Variants in CATSPERD observed in about 807,000 individuals in gnomAD.
The protein encoded by CATSPERD is cation channel sperm-associated auxiliary subunit delta.
Under a neutral mutation model 98.1 loss-of-function variants are expected in CATSPERD, and 86 were observed. The observed-to-expected ratio is 0.88, with a 90% CI of 0.74 to 1.05. The LOEUF is 1.05. CATSPERD is among the 50% of genes least tolerant of loss of function. CATSPERD has a pLI of 0.00. For synonymous variants in CATSPERD, 394 were observed against 390.2 expected (o/e 1.01, Z -0.12); for missense variants, 995 against 1,005.7 (o/e 0.99, Z 0.14).
intron 12 of CATSPERD, among the ~76,000 whole-genome samples, chr19:5,753,335 T>A (rs12980084): frequency 1.3e-5 from 2 of 150,786 alleles, no homozygotes; most frequent in African/African-American, 4.9e-5. Context: ...CTAAGGTGGG[T>A]GGATCACAAG....
intron 3 of CATSPERD, among the ~76,000 whole-genome samples, chr19:5,728,722 A>G (rs1433851676): frequency 1.3e-5 from 2 of 149,288 alleles, no homozygotes; most frequent in Non-Finnish European, 3.0e-5. Context: ...TTTTTGAGAC[A>G]GAGTCTTGTT....
intron 14 of CATSPERD, 67 bp downstream of exon 14, chr19:5,757,999 A>C: frequency 7.4e-7 from 1 of 1,348,542 alleles, no homozygotes; most frequent in Non-Finnish European, 1.0e-6. Flanking sequence ...TCCTTCCCTT[A>C]TCAGCATAAA....
At chr19:5,770,800 C>T in intron 18 of CATSPERD, 144 bp from the exon 19 acceptor site, 2 of 932,750 alleles carry the variant, frequency 2.1e-6, no homozygotes, top group Non-Finnish European at 1.6e-6. Flanking sequence ...TGGTCCATGG[C>T]TCTCAATCGC....
intron 4 of CATSPERD, among the ~76,000 whole-genome samples, chr19:5,733,443 T>TTCTTTCTC (rs1312441505): frequency 6.7e-6 from 1 of 150,320 alleles, no homozygotes; most frequent in Admixed American, 6.7e-5. Flanking sequence ...CTTTCTTTCT[T>TTCTTTCTC]TCTTTCTCTC....
At chr19:5,751,458 C>T (rs1435299263) in intron 11 of CATSPERD, among the ~76,000 whole-genome samples, 189 bp from the exon 12 acceptor site, 14 of 134,792 alleles carry the variant, frequency 1.0e-4, no homozygotes, top group Admixed American at 8.1e-4. Context: ...GGCGTGAACC[C>T]GGGAGGCGGA....
chr19:5,772,843 GT>G lies in CATSPERD; in HGVS notation c.1820del (p.Val607GlyfsTer11). The G allele has an allele frequency of 6.2e-7, 1 of 1,614,072 alleles. No individual in the cohort carries two copies. ...CGACGCCGAGTATGTGTTACTGGAG[GT>G]GAACGGGCAGTTCTCATACTCCTAT... The part of the protein sequence containing the change: ...VIDAEYVLLE[V>X]NGQFSYSYSL... On this transcript the variant is annotated frameshift_variant, in exon 20 of 22. Transcript: ENST00000381624. LOFTEE classifies it high-confidence loss of function.
In CATSPERD at chr19:5,757,823, C is replaced by T; in HGVS notation, c.1279-20C>T. 6.2e-7 allele frequency: 1 copy of T among 1,603,404 alleles called. No individual in the cohort carries two copies. Among genetic ancestry groups the T allele is most frequent in the South Asian group, 1.1e-5 (1 of 90,574 alleles). On this transcript the variant is annotated intron_variant, in intron 13 of 21. Coordinates refer to ENST00000381624, the MANE Select transcript of CATSPERD (RefSeq NM_152784.4). ...GCCTGCTGGCTCCGTACAGCCTGAG[C>T]TTCTCTCCCCCACTCCCAGGTGATG...
intron 5 of CATSPERD, among the ~76,000 whole-genome samples, chr19:5,734,701 C>T (rs1467636947): frequency 6.6e-6 from 1 of 151,848 alleles, no homozygotes; most frequent in African/African-American, 2.4e-5. Context: ...ACTCTGGAGC[C>T]CGAGGCAGGA....
Position 5,720,681 on chromosome 19 carries a change from G to A in CATSPERD, c.-57G>A. 6.5e-7 allele frequency: 1 copy of A among 1,542,778 alleles called. No individual in the cohort carries two copies. Among genetic ancestry groups the A allele is most frequent in the Non-Finnish European group, 8.8e-7 (1 of 1,130,680 alleles). ...GCTTCAGCCTGCACGTACTCGGATT[G>A]TGCAGCGACTCCCCGTGGCGGTTGA... is the stretch of plus-strand genomic sequence containing the variant. On this transcript the variant is annotated 5_prime_UTR_variant, in exon 1 of 22. The change creates a new upstream start codon in the 5' untranslated region. Transcript: ENST00000381624.
At chr19:5,772,214 A>ATTTT (rs35847357) in intron 19 of CATSPERD, 3,188 of 154,388 alleles carry the variant, frequency 0.021, 229 homozygotes, top group Non-Finnish European at 0.024. Flanking sequence ...TGCCCGGTTA[A>ATTTT]TTTTTTTTTT....
intron 1 of CATSPERD, among the ~76,000 whole-genome samples, chr19:5,722,804 C>T (rs1009847923): frequency 5.3e-5 from 8 of 151,822 alleles, no homozygotes; most frequent in African/African-American, 1.5e-4. Context: ...CTATACCATC[C>T]TTCCAGTCAC....
Position 5,749,106 on chromosome 19 carries a change from A to G in CATSPERD, c.910A>G (p.Asn304Asp), listed in dbSNP as rs1439453745. 3.1e-6 allele frequency: 5 copies of G among 1,611,802 alleles called. No homozygotes were observed. The African/African-American group carries it at 6.7e-5, about 22-fold the overall frequency. Reference sequence around the variant, plus strand: ...TCTTGTTTTGTTTTTCCCAGCTGAAAATGAACTGGCAGTTATAACTCGGGA... The same window carrying G: ...TCTTGTTTTGTTTTTCCCAGCTGAAGATGAACTGGCAGTTATAACTCGGGA... ...ITIHNIAVTE[N>D]ELAVITREDN... Residue 304 changes from asparagine (N) to aspartate (D), a missense_variant, in exon 11 of 22, where the codon AAT becomes GAT. Coordinates refer to ENST00000381624, the MANE Select transcript of CATSPERD (RefSeq NM_152784.4).
intron 15 of CATSPERD, among the ~76,000 whole-genome samples, chr19:5,762,050 A>ATTTT (rs2056446349): frequency 1.0e-4 from 2 of 20,044 alleles, no homozygotes; most frequent in African/African-American, 1.4e-4. Context: ...CCATATATAT[A>ATTTT]TATATATATT....
chr19:5,759,100 A>T lies in CATSPERD; in HGVS notation c.1383A>T (p.Lys461Asn), dbSNP rs751288922. The T allele has an allele frequency of 8.6e-5, 139 of 1,613,674 alleles. No individual in the cohort carries two copies. The Admixed American group carries it at 2.3e-3, about 27-fold the overall frequency. Residue 461 changes from lysine (K) to asparagine (N), a missense_variant, in exon 15 of 22, where the codon AAA becomes AAT. Lys to Asn is a moderately conservative substitution (Grantham distance 94, BLOSUM62 0). This residue lies in a region of CATSPERD where 762 missense variants were observed against 773.7 expected (regional missense o/e 0.98). Transcript: ENST00000381624. ...NTKYKLDIFL[K>N]QQQHWGRTDS... ...TGACCCCACAGGATATTTTCCTAAAACAGCAGCAGCACTGGGGCAGGACCG... is the reference window on the plus strand; with the variant it reads ...TGACCCCACAGGATATTTTCCTAAATCAGCAGCAGCACTGGGGCAGGACCG...
intron 7 of CATSPERD, among the ~76,000 whole-genome samples, chr19:5,741,042 GCC>G (rs2055952914): frequency 6.6e-6 from 1 of 151,638 alleles, no homozygotes; most frequent in African/African-American, 2.4e-5. Flanking sequence ...CTGAGACAAC[GCC>G]ATTGCACTGC....
intron 16 of CATSPERD, 22 bp downstream of exon 16, chr19:5,763,315 T>C (rs766550182): frequency 6.9e-6 from 11 of 1,598,660 alleles, no homozygotes; most frequent in Non-Finnish European, 8.6e-6. Flanking sequence ...ATCTTTGCTG[T>C]CCCATATTCG....
At chr19:5,756,773 C>T (rs543510772) in intron 13 of CATSPERD, among the ~76,000 whole-genome samples, 12 of 151,808 alleles carry the variant, frequency 7.9e-5, no homozygotes, top group Non-Finnish European at 1.3e-4. Flanking sequence ...GGTGAAACCT[C>T]GTCTCTACTA....
At chr19:5,754,330 A>AT in intron 13 of CATSPERD, 85 bp downstream of exon 13, 1 of 838,544 alleles carries the variant, frequency 1.2e-6, no homozygotes, top group Admixed American at 1.8e-5. Flanking sequence ...ATCCCCTGGC[A>AT]TCCCCCACAA....
At chr19:5,746,397 C>G (rs1356576683) in intron 9 of CATSPERD, among the ~76,000 whole-genome samples, 1 of 152,002 alleles carries the variant, frequency 6.6e-6, no homozygotes, top group Non-Finnish European at 1.5e-5. Context: ...GGCTGCTTTT[C>G]CAGAGTTCCA....
Sources: allele counts gnomAD v4.1 joint callset (sites outside exome capture counted in the v4.1 genomes callset), GRCh38; gene constraint gnomAD v4.1.1; regional missense constraint gnomAD v4.1.1; transcripts MANE v1.5; gene names NCBI Gene and HGNC (gene_info 2026-07-23, HGNC 2026-07-21).